AKAP6: variants seen among roughly 807,000 people sequenced by gnomAD.
The protein encoded by AKAP6 is A-kinase anchor protein 6.
A neutral mutation model predicts 188.5 loss-of-function variants in AKAP6; 58 were observed. The ratio of observed to expected loss-of-function variants is 0.31; its 90% CI spans 0.25 to 0.38. AKAP6 has a LOEUF of 0.38. Among genes scored for constraint, AKAP6 ranks in the 10% least tolerant of loss-of-function variants. The probability of loss-of-function intolerance (pLI) is 1.00; values close to 1 mark genes in which losing one functional copy is unlikely to be tolerated. For missense variants in AKAP6, 2,710 were observed against 2,740.0 expected, an observed-to-expected ratio of 0.99 and a Z score of 0.24; for synonymous variants, 989 against 998.6, an observed-to-expected ratio of 0.99 and a Z score of 0.18.
intron 11 of AKAP6, among the ~76,000 whole-genome samples, chr14:32,757,852 A>T (rs2032396230): frequency 6.6e-6 from 1 of 152,158 alleles, no homozygotes; most frequent in East Asian, 1.9e-4. Flanking sequence ...TCGTGAAGAG[A>T]AGTGAGGAAA....
intron 4 of AKAP6, among the ~76,000 whole-genome samples, chr14:32,576,379 G>A (rs1884719103): frequency 6.6e-6 from 1 of 152,026 alleles, no homozygotes; most frequent in Non-Finnish European, 1.5e-5. Flanking sequence ...AATATTTTCT[G>A]TTTCTACAGA....
chr14:32,478,957 G>A (rs1336534934), intron 2 of AKAP6, among the ~76,000 whole-genome samples: 1 of 152,116 alleles, frequency 6.6e-6, no homozygotes, highest in Non-Finnish European at 1.5e-5. Flanking sequence ...GGGAGCTGAA[G>A]AAAATATTTT....
intron 2 of AKAP6, among the ~76,000 whole-genome samples, chr14:32,488,952 A>G (rs1270021976): frequency 6.6e-6 from 1 of 152,162 alleles, no homozygotes; most frequent in African/African-American, 2.4e-5. Context: ...AGCTGTTCCT[A>G]TTCGGCCATC....
intron 4 of AKAP6, among the ~76,000 whole-genome samples, chr14:32,573,372 A>G (rs1884577852): frequency 6.6e-6 from 1 of 152,174 alleles, no homozygotes; most frequent in Non-Finnish European, 1.5e-5. Flanking sequence ...AGTAAATTTG[A>G]ATTCAGAATA....
At chr14:32,787,999 C>A (rs868070729) in intron 12 of AKAP6, among the ~76,000 whole-genome samples, 1 of 135,646 alleles carries the variant, frequency 7.4e-6, no homozygotes, top group Non-Finnish European at 1.5e-5. Context: ...CGTAATTATA[C>A]CACTTCATTC....
intron 2 of AKAP6, among the ~76,000 whole-genome samples, chr14:32,516,900 G>A (rs1273824366): frequency 6.6e-6 from 1 of 152,102 alleles, no homozygotes; most frequent in Non-Finnish European, 1.5e-5. Context: ...AGCCTTCTTA[G>A]AAAAATATCT....
At chr14:32,516,654 G>A (rs1566550253) in intron 2 of AKAP6, among the ~76,000 whole-genome samples, 1 of 152,114 alleles carries the variant, frequency 6.6e-6, no homozygotes, top group Non-Finnish European at 1.5e-5. Context: ...CAAATTTTTG[G>A]GGTGGAAGAA....
At chr14:32,443,492 T>G (rs891299409) in intron 2 of AKAP6, among the ~76,000 whole-genome samples, 1 of 152,196 alleles carries the variant, frequency 6.6e-6, no homozygotes, top group African/African-American at 2.4e-5. Context: ...AATCTGGGTT[T>G]GGACCCAGAC....
rs2034879236 is a variant in AKAP6, at chr14:32,836,700, C to T, written c.*6895C>T. The T allele has an allele frequency of 6.6e-6, 1 of 152,108 alleles. No individual in the cohort carries two copies. The highest frequency in any genetic ancestry group is 6.5e-5 in the Admixed American group (1 of 15,276). 9.4% of individuals were successfully genotyped at this position (152,108 alleles called of 1,614,324 possible). On this transcript the variant is annotated 3_prime_UTR_variant, in exon 14 of 14. Coordinates refer to ENST00000280979, the MANE Select transcript of AKAP6 (RefSeq NM_004274.5). ...GTACTCTATTATGGGTTACAAACCCCTTGTGACACCATATTTAAGAGCCAC... is the reference window on the plus strand; with the variant it reads ...GTACTCTATTATGGGTTACAAACCCTTTGTGACACCATATTTAAGAGCCAC...
intron 1 of AKAP6, among the ~76,000 whole-genome samples, chr14:32,410,936 G>T (rs1210784680): frequency 6.6e-6 from 1 of 152,144 alleles, no homozygotes; most frequent in Non-Finnish European, 1.5e-5. Context: ...AATTGTAAGT[G>T]CATCTGTGCT....
intron 7 of AKAP6, among the ~76,000 whole-genome samples, chr14:32,610,193 C>A (rs1342667882): frequency 1.3e-5 from 2 of 152,044 alleles, no homozygotes; most frequent in Non-Finnish European, 2.9e-5. Flanking sequence ...AGGTTCCAAA[C>A]GGAGTAGATA....
intron 1 of AKAP6, among the ~76,000 whole-genome samples, chr14:32,364,182 CGAAG>C (rs1887752586): frequency 6.6e-6 from 1 of 151,738 alleles, no homozygotes; most frequent in Admixed American, 6.6e-5. Context: ...AGCAGGAAAA[CGAAG>C]GAAGAAAGGA....
At chr14:32,342,322 C>G (rs1886915592) in intron 1 of AKAP6, among the ~76,000 whole-genome samples, 1 of 152,168 alleles carries the variant, frequency 6.6e-6, no homozygotes, top group African/African-American at 2.4e-5. Context: ...TAAGAATTGT[C>G]TTCAGTCCCT....
intron 7 of AKAP6, among the ~76,000 whole-genome samples, chr14:32,653,572 C>T (rs1888319366): frequency 1.3e-5 from 2 of 152,148 alleles, no homozygotes. Flanking sequence ...ACCATGGTTC[C>T]TGTAAAGCCT....
At chr14:32,816,790 T>A (rs1308801817) in intron 12 of AKAP6, among the ~76,000 whole-genome samples, 1 of 152,212 alleles carries the variant, frequency 6.6e-6, no homozygotes, top group East Asian at 1.9e-4. Context: ...TTTTTGTCAC[T>A]TTTATTTATT....
chr14:32,507,908 G>A (rs529732693), intron 2 of AKAP6, among the ~76,000 whole-genome samples: 2 of 152,318 alleles, frequency 1.3e-5, no homozygotes, highest in African/African-American at 4.8e-5. Flanking sequence ...TGGGTAGGAG[G>A]TGAAGCTGGC....
At chr14:32,757,947 T>C (rs2032400189) in intron 11 of AKAP6, among the ~76,000 whole-genome samples, 1 of 152,206 alleles carries the variant, frequency 6.6e-6, no homozygotes, top group Non-Finnish European at 1.5e-5. Flanking sequence ...GGCCTGGAGA[T>C]AAGCGATGGA....
intron 5 of AKAP6, among the ~76,000 whole-genome samples, chr14:32,583,896 A>C (rs1455596163): frequency 2.0e-5 from 3 of 152,188 alleles, no homozygotes; most frequent in Non-Finnish European, 4.4e-5. Flanking sequence ...TTCTTTGACT[A>C]GGAAAGGGAA....
At chr14:32,714,404 T>C (rs1045675536) in intron 9 of AKAP6, among the ~76,000 whole-genome samples, 3 of 152,020 alleles carry the variant, frequency 2.0e-5, no homozygotes, top group Non-Finnish European at 2.9e-5. Flanking sequence ...TTGTAGTATC[T>C]GTAAGGCATA....
Sources: gnomAD v4.1 joint callset for allele counts (sites outside exome capture counted in the v4.1 genomes callset) on GRCh38, gnomAD v4.1.1 for gene constraint, MANE v1.5 for transcripts, NCBI Gene and HGNC (gene_info 2026-07-23, HGNC 2026-07-21) for gene names.